The following PPFIA2 variants were observed in gnomAD, a reference collection of about 807,000 sequenced individuals.
The protein encoded by PPFIA2 is liprin-alpha-2.
A neutral mutation model predicts 175.5 loss-of-function variants in PPFIA2; 46 were observed. The ratio of observed to expected loss-of-function variants is 0.26; its 90% CI spans 0.21 to 0.34. The LOEUF (loss-of-function observed/expected upper bound fraction) is 0.34. PPFIA2 is among the 10% of genes least tolerant of loss of function. The probability of loss-of-function intolerance (pLI) is 1.00; values close to 1 mark genes in which losing one functional copy is unlikely to be tolerated. For missense variants in PPFIA2, 1,179 were observed against 1,506.1 expected (o/e 0.78, Z 3.60); for synonymous variants, 568 against 511.4 (o/e 1.11, Z -1.49).
At chr12:81,429,136 G>T (rs185459770) in intron 7 of PPFIA2, among the ~76,000 whole-genome samples, 1 of 152,138 alleles carries the variant, frequency 6.6e-6, no homozygotes, top group Admixed American at 6.6e-5. Flanking sequence ...TATGTAGCAT[G>T]CATAAACATG....
intron 4 of PPFIA2, among the ~76,000 whole-genome samples, chr12:81,507,552 C>T (rs1044089093): frequency 2.6e-5 from 4 of 152,116 alleles, no homozygotes; most frequent in African/African-American, 9.7e-5. Context: ...TCAATTAGCT[C>T]CTCTCTTTTA....
At chr12:81,530,543 A>G (rs1387873830) in intron 4 of PPFIA2, among the ~76,000 whole-genome samples, 1 of 151,860 alleles carries the variant, frequency 6.6e-6, no homozygotes, top group Non-Finnish European at 1.5e-5. Context: ...AAATTGTTCA[A>G]GTTTATTATT....
At chr12:81,669,884 G>A (rs1222388174) in intron 4 of PPFIA2, among the ~76,000 whole-genome samples, 1 of 151,948 alleles carries the variant, frequency 6.6e-6, no homozygotes, top group Non-Finnish European at 1.5e-5. Context: ...TAGCTTTAAG[G>A]CTAAATGTAA....
intron 22 of PPFIA2, among the ~76,000 whole-genome samples, chr12:81,304,049 T>G (rs1275512019): frequency 2.6e-5 from 4 of 152,188 alleles, no homozygotes; most frequent in Non-Finnish European, 5.9e-5. Context: ...ATCACATGCC[T>G]CCCTGCCTTA....
intron 23 of PPFIA2, 116 bp downstream of exon 23, chr12:81,299,185 G>A (rs1405718977): frequency 3.0e-6 from 4 of 1,343,748 alleles, no homozygotes; most frequent in South Asian, 1.8e-5. Flanking sequence ...AGTCCCTTAT[G>A]AGCAATTCCA....
At chr12:81,302,662 G>T in intron 22 of PPFIA2, 1 of 453,586 alleles carries the variant, frequency 2.2e-6, no homozygotes, top group South Asian at 1.6e-5. Flanking sequence ...CCAGGACTGT[G>T]TGCTACATGA....
chr12:81,677,585 T>C (rs2072789181), intron 3 of PPFIA2, among the ~76,000 whole-genome samples: 1 of 151,946 alleles, frequency 6.6e-6, no homozygotes. Context: ...TACATATGAG[T>C]AAGAACAGGT....
chr12:81,415,773 C>T lies in PPFIA2; in HGVS notation c.646-9870G>A, dbSNP rs2045128357. Among the ~76,000 whole-genome samples the T allele has an allele frequency of 2.0e-5, 3 of 150,334 alleles. No individual in the cohort carries two copies. The South Asian group carries it at 6.3e-4, about 31-fold the overall frequency. On this transcript the variant is annotated intron_variant, in intron 7 of 32. Coordinates refer to ENST00000549396, the MANE Select transcript of PPFIA2 (RefSeq NM_003625.5). The stretch of plus-strand genomic sequence containing the variant: ...TTTTTGCAGGAGATGTTTACACTAT[C>T]CATTTAACTTAGAATTATAATATTC...
chr12:81,550,159 C>T (rs1268330255), intron 4 of PPFIA2, among the ~76,000 whole-genome samples: 1 of 151,868 alleles, frequency 6.6e-6, no homozygotes, highest in Non-Finnish European at 1.5e-5. Context: ...GAAACTCTGT[C>T]TACCTGGGAA....
At chr12:81,296,405 C>G (rs984065011) in intron 23 of PPFIA2, among the ~76,000 whole-genome samples, 2 of 152,208 alleles carry the variant, frequency 1.3e-5, no homozygotes, top group African/African-American at 4.8e-5. Context: ...GCTATTTACA[C>G]AGCACAGGTC....
At chr12:81,688,186 C>T (rs1013367020) in intron 3 of PPFIA2, among the ~76,000 whole-genome samples, 1 of 151,800 alleles carries the variant, frequency 6.6e-6, no homozygotes, top group Non-Finnish European at 1.5e-5. Flanking sequence ...TTTTGCTGTA[C>T]ATTAAAAACT....
chr12:81,675,241 G>T lies in PPFIA2; in HGVS notation c.303+1550C>A, dbSNP rs970327505. Among the ~76,000 whole-genome samples the T allele has an allele frequency of 4.0e-5, 6 of 151,368 alleles. No homozygotes were observed. In the East Asian group the frequency reaches 1.2e-3, roughly 30 times the overall value. On this transcript the variant is annotated intron_variant, in intron 4 of 32. Coordinates refer to ENST00000549396, the MANE Select transcript of PPFIA2 (RefSeq NM_003625.5). ...ACACACATATATATATAGAGAGAGA[G>T]AGATAAAGTTGTATAACTCATGCCT...
chr12:81,480,863 C>T (rs1567000552), intron 4 of PPFIA2, among the ~76,000 whole-genome samples: 1 of 152,096 alleles, frequency 6.6e-6, no homozygotes, highest in Non-Finnish European at 1.5e-5. Context: ...CACTCCTATT[C>T]AACATAGTAT....
intron 8 of PPFIA2, among the ~76,000 whole-genome samples, chr12:81,385,151 G>A (rs949852316): frequency 2.6e-5 from 4 of 152,010 alleles, no homozygotes; most frequent in Non-Finnish European, 5.9e-5. Context: ...TTAAAACCAC[G>A]ATGAGATATC....
chr12:81,561,936 CA>C (rs2070193352), intron 4 of PPFIA2, among the ~76,000 whole-genome samples: 1 of 152,186 alleles, frequency 6.6e-6, no homozygotes, highest in African/African-American at 2.4e-5. Flanking sequence ...TTTTACCAAA[CA>C]AAATTCTAAC....
At chr12:81,431,841 GC>G (rs1425158497) in intron 7 of PPFIA2, among the ~76,000 whole-genome samples, 2 of 152,072 alleles carry the variant, frequency 1.3e-5, no homozygotes, top group Non-Finnish European at 2.9e-5. Flanking sequence ...GCAGGACAAA[GC>G]CCAACTCTAG....
chr12:81,510,626 G>T (rs998613213), intron 4 of PPFIA2, among the ~76,000 whole-genome samples: 10 of 152,048 alleles, frequency 6.6e-5, no homozygotes, highest in African/African-American at 2.4e-4. Context: ...AATGTGTGTG[G>T]CAGGCATAGC....
chr12:81,317,098 A>T (rs558372344), intron 22 of PPFIA2, among the ~76,000 whole-genome samples: 1 of 151,844 alleles, frequency 6.6e-6, no homozygotes, highest in East Asian at 1.9e-4. Flanking sequence ...TGTGATTATT[A>T]TGTACATATT....
intron 4 of PPFIA2, among the ~76,000 whole-genome samples, chr12:81,461,057 C>A (rs779626564): frequency 2.4e-4 from 37 of 152,086 alleles, no homozygotes; most frequent in Non-Finnish European, 4.1e-4. Context: ...TTTTTACCTT[C>A]AAATATATCA....
Sources: allele counts gnomAD v4.1 joint callset (sites outside exome capture counted in the v4.1 genomes callset), GRCh38; gene constraint gnomAD v4.1.1; transcripts MANE v1.5; gene names NCBI Gene and HGNC (gene_info 2026-07-23, HGNC 2026-07-21).